EDNRA: variants seen among roughly 807,000 people sequenced by gnomAD.
The protein encoded by EDNRA is endothelin-1 receptor.
Under a neutral mutation model 41.4 loss-of-function variants are expected in EDNRA, and 11 were observed. The ratio of observed to expected loss-of-function variants is 0.27; its 90% confidence interval spans 0.17 to 0.44. The LOEUF (loss-of-function observed/expected upper bound fraction) is 0.44, where lower values mean the gene tolerates loss of function less well. Among genes scored for constraint, EDNRA ranks in the 20% least tolerant of loss-of-function variants. EDNRA has a pLI of 1.00. For synonymous variants in EDNRA, 172 were observed against 183.0 expected (o/e 0.94, Z 0.49); for missense variants, 294 against 531.0 (o/e 0.55, Z 4.39).
In EDNRA at chr4:147,543,826, AC is replaced by A. The variant is rs916351230; in HGVS notation, c.*1209del. 3 of 62,068 alleles carry A rather than the reference AC, an allele frequency of 4.8e-5. No homozygotes were observed. The highest frequency in any genetic ancestry group is 1.4e-4 in the African/African-American group (3 of 21,286). The allele number at this position is 62,068 out of a possible 1,614,324, so 3.8% of individuals were successfully genotyped here. ...TTACCCACAAATGCCACCAGAACTT[AC>A]GATTCTTCACTTCTTGGGGTTTTCA... On this transcript the variant is annotated 3_prime_UTR_variant, in exon 8 of 8. Transcript: ENST00000651419.
intron 7 of EDNRA, among the ~76,000 whole-genome samples, chr4:147,540,843 A>C (rs149285374): frequency 4.5e-4 from 68 of 152,220 alleles, no homozygotes; most frequent in African/African-American, 1.6e-3. Flanking sequence ...GTCTTGACAA[A>C]ATATAAGCTC....
chr4:147,502,909 T>C (rs534038509), intron 2 of EDNRA, among the ~76,000 whole-genome samples: 1 of 152,360 alleles, frequency 6.6e-6, no homozygotes, highest in East Asian at 1.9e-4. Context: ...CTGCTTTTTT[T>C]CATTTATTTA....
In EDNRA at chr4:147,519,717, C is replaced by A; in HGVS notation, c.421-134C>A. The A allele has an allele frequency of 1.9e-6, 2 of 1,028,936 alleles. No homozygotes were observed. The highest frequency in any genetic ancestry group is 2.7e-6 in the Non-Finnish European group (2 of 748,528). 63.7% of individuals were successfully genotyped at this position (1,028,936 alleles called of 1,614,324 possible). A position where few individuals can be genotyped will look rare whatever the true frequency, so the allele number is the denominator to read the frequency against. ...AAAGAAAAAAATAACAATTCTAATA[C>A]TCTTTTGCTACAGTGCTAACTGAAA... On this transcript the variant is annotated intron_variant, in intron 2 of 7. Coordinates refer to ENST00000651419, the MANE Select transcript of EDNRA (RefSeq NM_001957.4). This position sits in a 1 kb window ranked among gnomAD's most constrained non-coding sequence, Gnocchi z 4.1.
At chr4:147,491,001 G>A (rs1289497575) in intron 2 of EDNRA, 1 of 152,204 alleles carries the variant, frequency 6.6e-6, no homozygotes, top group African/African-American at 2.4e-5. Flanking sequence ...GACGTGCATA[G>A]CAGGGAGTTG....
intron 2 of EDNRA, among the ~76,000 whole-genome samples, chr4:147,514,173 C>T (rs950242682): frequency 6.6e-6 from 1 of 152,110 alleles, no homozygotes; most frequent in Admixed American, 6.6e-5. Context: ...TGAGAACTAC[C>T]CCCATTTAAC....
chr4:147,506,120 TA>T, intron 2 of EDNRA: 2 of 526,862 alleles, frequency 3.8e-6, no homozygotes. Context: ...AGCAATGAGC[TA>T]AAGCCCCTGG....
intron 2 of EDNRA, among the ~76,000 whole-genome samples, chr4:147,503,222 TAC>T (rs567654612): frequency 2.0e-5 from 3 of 152,198 alleles, no homozygotes; most frequent in Non-Finnish European, 2.9e-5. Flanking sequence ...GAATTCATCA[TAC>T]ACACACACTT....
intron 5 of EDNRA, among the ~76,000 whole-genome samples, chr4:147,538,555 C>G (rs1246325056): frequency 1.3e-5 from 2 of 152,204 alleles, no homozygotes; most frequent in African/African-American, 2.4e-5. Context: ...AAGGTAACCT[C>G]TCCCCTAATA....
intron 2 of EDNRA, chr4:147,491,918 G>A (rs1027704652): frequency 2.0e-5 from 3 of 152,230 alleles, no homozygotes; most frequent in African/African-American, 4.8e-5. Context: ...CTCTGATGCT[G>A]CCTCCTCTGT....
intron 5 of EDNRA, among the ~76,000 whole-genome samples, chr4:147,538,274 T>C (rs1730980339): frequency 1.3e-5 from 2 of 152,094 alleles, no homozygotes; most frequent in African/African-American, 4.8e-5. Context: ...CAACCCGTCA[T>C]GGGTGTGCAT....
intron 2 of EDNRA, chr4:147,489,498 A>G (rs1270934108): frequency 2.0e-5 from 3 of 152,228 alleles, no homozygotes; most frequent in Non-Finnish European, 4.4e-5. Context: ...TATTCTTCCT[A>G]TTAACGTTTT....
At chr4:147,520,060 G>A (rs1730265123) in intron 3 of EDNRA, 82 bp downstream of exon 3, 8 of 1,516,576 alleles carry the variant, frequency 5.3e-6, no homozygotes, top group East Asian at 4.6e-5. Context: ...AAGAGAATTC[G>A]TGCCCAGGAC....
chr4:147,502,565 A>G (rs1729552137), intron 2 of EDNRA, among the ~76,000 whole-genome samples: 1 of 152,198 alleles, frequency 6.6e-6, no homozygotes, highest in Non-Finnish European at 1.5e-5. Context: ...ACTTTTTCCA[A>G]ATATTACAGT....
intron 2 of EDNRA, among the ~76,000 whole-genome samples, chr4:147,508,215 T>G (rs752031813): frequency 2.0e-5 from 3 of 152,194 alleles, no homozygotes; most frequent in Non-Finnish European, 4.4e-5. Flanking sequence ...CTCCACTCAC[T>G]GCAACCTCCA....
intron 1 of EDNRA, among the ~76,000 whole-genome samples, chr4:147,481,612 A>T (rs1728761580): frequency 2.6e-5 from 4 of 151,202 alleles, no homozygotes; most frequent in Admixed American, 2.6e-4. Flanking sequence ...GAGTTCGGGG[A>T]ACTTCACCTC....
intron 3 of EDNRA, among the ~76,000 whole-genome samples, chr4:147,525,604 A>G (rs1160418635): frequency 2.6e-5 from 4 of 151,356 alleles, no homozygotes; most frequent in Admixed American, 6.6e-5. Context: ...GCAAAAAAAA[A>G]AAAAGCAGCA....
At chr4:147,534,353 G>A (rs967313352) in intron 4 of EDNRA, among the ~76,000 whole-genome samples, 6 of 152,200 alleles carry the variant, frequency 3.9e-5, no homozygotes, top group African/African-American at 1.4e-4. Flanking sequence ...GTTGGGAACA[G>A]GGAAATGTTT....
chr4:147,532,017 CAAA>C (rs35034877), intron 3 of EDNRA, among the ~76,000 whole-genome samples: 2 of 113,600 alleles, frequency 1.8e-5, no homozygotes. Flanking sequence ...GACTCAGTCT[CAAA>C]AAAAAAAAAA....
At chr4:147,538,483 A>G (rs1353765620) in intron 5 of EDNRA, among the ~76,000 whole-genome samples, 5 of 152,190 alleles carry the variant, frequency 3.3e-5, no homozygotes, top group Non-Finnish European at 7.3e-5. Flanking sequence ...ATATCAGACT[A>G]TCATGGCAGT....
Sources: allele counts gnomAD v4.1 joint callset (sites outside exome capture counted in the v4.1 genomes callset), GRCh38; gene constraint gnomAD v4.1.1; non-coding constraint Gnocchi (gnomAD v3.1); transcripts MANE v1.5; gene names NCBI Gene and HGNC (gene_info 2026-07-23, HGNC 2026-07-21).